Variants in BICRA observed in about 807,000 individuals in gnomAD.
The protein encoded by BICRA is BRD4-interacting chromatin-remodeling complex-associated protein.
BICRA carries 31 observed loss-of-function variants against 96.9 expected under a neutral mutation model. That is an observed-to-expected ratio of 0.32 (90% CI 0.24 to 0.43). The LOEUF (loss-of-function observed/expected upper bound fraction) is 0.43. BICRA is among the 20% of genes least tolerant of loss of function. The probability of loss-of-function intolerance (pLI) is 1.00; values close to 1 mark genes in which losing one functional copy is unlikely to be tolerated. For synonymous variants in BICRA, 1,350 were observed against 1,071.8 expected (o/e 1.26, Z -5.07); for missense variants, 2,283 against 2,190.3 (o/e 1.04, Z -0.84).
chr19:47,615,172 C>T (rs142092697), intron 1 of BICRA, among the ~76,000 whole-genome samples: 30 of 152,276 alleles, frequency 2.0e-4, no homozygotes, highest in Admixed American at 7.9e-4. Context: ...TTGGTAAAGA[C>T]GAGGTCTCAC....
chr19:47,611,423 C>T (rs1971905724), intron 1 of BICRA, among the ~76,000 whole-genome samples: 1 of 152,046 alleles, frequency 6.6e-6, no homozygotes, highest in Admixed American at 6.6e-5. Flanking sequence ...AGGGGGAGCC[C>T]CAGGCCTGGC....
At chr19:47,652,638 A>G (rs1024940948) in intron 1 of BICRA, among the ~76,000 whole-genome samples, 2 of 152,238 alleles carry the variant, frequency 1.3e-5, no homozygotes, top group Non-Finnish European at 2.9e-5. Flanking sequence ...GGCTGCAAGT[A>G]ACAGTTGACT....
chr19:47,611,111 C>G (rs1234409772), intron 1 of BICRA, among the ~76,000 whole-genome samples: 1 of 149,146 alleles, frequency 6.7e-6, no homozygotes, highest in Non-Finnish European at 1.5e-5. Context: ...TCACACAGCC[C>G]TGGGTCACAC....
At chr19:47,692,572 C>A (rs776464848) in intron 7 of BICRA, among the ~76,000 whole-genome samples, 1 of 152,166 alleles carries the variant, frequency 6.6e-6, no homozygotes. Flanking sequence ...ATTTCCAGGT[C>A]AAAGTTGTGA....
chr19:47,685,770 TGTGTGTGTGTGTGTGTGCGCGCGCGC>T (rs1568573141), intron 7 of BICRA, among the ~76,000 whole-genome samples: 4 of 132,950 alleles, frequency 3.0e-5, no homozygotes, highest in Non-Finnish European at 6.3e-5. Flanking sequence ...TGTGTGTGTG[TGTGTGTGTGTGTGTGTGCGCGCGCGC>T]GCGCATGCGT....
intron 7 of BICRA, among the ~76,000 whole-genome samples, chr19:47,690,293 C>T (rs529395312): frequency 6.6e-5 from 10 of 152,298 alleles, no homozygotes; most frequent in East Asian, 3.9e-4. Flanking sequence ...TGAGCCACCG[C>T]GCCCGGCCTA....
chr19:47,680,079 G>A lies in BICRA; in HGVS notation c.909G>A (p.Gly303=). Residue 303 remains glycine, a synonymous_variant, in exon 6 of 15, where the codon GGG becomes GGA. Transcript: ENST00000594866. ...CCGCTGTGGCCACCACGCTCAATGGGAACTCTGTGTTCGGAGGCGCGGGGG... is the reference window on the plus strand; with the variant it reads ...CCGCTGTGGCCACCACGCTCAATGGAAACTCTGTGTTCGGAGGCGCGGGGG... ...LSAAVATTLN[G]NSVFGGAGAA... The A allele has an allele frequency of 5.1e-6, 8 of 1,564,266 alleles. No homozygotes were observed. Among genetic ancestry groups the A allele is most frequent in the Non-Finnish European group, 6.9e-6 (8 of 1,165,638 alleles).
chr19:47,664,531 G>A (rs1017388736), intron 1 of BICRA, among the ~76,000 whole-genome samples: 11 of 152,162 alleles, frequency 7.2e-5, no homozygotes, highest in African/African-American at 2.4e-4. Context: ...GACCACCTCC[G>A]AGTCTCCTTT....
chr19:47,640,862 G>C (rs548049213), intron 1 of BICRA, among the ~76,000 whole-genome samples: 1 of 151,400 alleles, frequency 6.6e-6, no homozygotes, highest in Non-Finnish European at 1.5e-5. Flanking sequence ...GTGGAGCTGG[G>C]GTTTGAACTG....
Position 47,701,770 on chromosome 19 carries a change from G to T in BICRA, c.4038G>T (p.Pro1346=). Residue 1346 remains proline (P), a synonymous_variant, in exon 15 of 15, where the codon CCG becomes CCT. Transcript: ENST00000594866. The surrounding 1 kb of genome is among the most constrained non-coding windows in gnomAD (Gnocchi z 5.4). ...PPATLKVAEP[P]PRPPPPPPPT... is the part of the protein sequence containing the mutation. ...CTACCCTCAAGGTGGCCGAGCCCCC[G>T]CCACGGCCGCCACCACCACCGCCGC... is the stretch of plus-strand genomic sequence containing the variant. 6 of 1,492,106 alleles carry T rather than the reference G, an allele frequency of 4.0e-6. No individual in the cohort carries two copies. In the South Asian group the frequency reaches 7.3e-5, roughly 18 times the overall value. 92.4% of individuals were successfully genotyped at this position (1,492,106 alleles called of 1,614,324 possible). A position where few individuals can be genotyped will look rare whatever the true frequency, so the allele number is the denominator to read the frequency against.
intron 5 of BICRA, among the ~76,000 whole-genome samples, chr19:47,678,512 C>T (rs1027200310): frequency 2.0e-5 from 3 of 152,160 alleles, no homozygotes; most frequent in Non-Finnish European, 2.9e-5. Context: ...TGCAGGATCA[C>T]GTTGGGCGCC....
At chr19:47,652,914 C>G (rs1461920294) in intron 1 of BICRA, among the ~76,000 whole-genome samples, 1 of 151,898 alleles carries the variant, frequency 6.6e-6, no homozygotes, top group East Asian at 1.9e-4. Flanking sequence ...TTTTCTTAAG[C>G]AGATGGTAAC....
chr19:47,660,165 C>G (rs1212856038), intron 1 of BICRA, among the ~76,000 whole-genome samples: 1 of 151,928 alleles, frequency 6.6e-6, no homozygotes, highest in Admixed American at 6.6e-5. Flanking sequence ...CAGAGCTGTG[C>G]TCCCTCAGGA....
intron 1 of BICRA, among the ~76,000 whole-genome samples, chr19:47,610,312 G>C (rs888642588): frequency 6.6e-6 from 1 of 152,242 alleles, no homozygotes; most frequent in Admixed American, 6.5e-5. Flanking sequence ...ACCAGGGGCT[G>C]CTTGGGCCTT....
chr19:47,619,419 C>T (rs139204381), intron 1 of BICRA, among the ~76,000 whole-genome samples: 4,915 of 151,896 alleles, frequency 0.032, 232 homozygotes, highest in African/African-American at 0.11. Flanking sequence ...CCACCACGCC[C>T]GGTTAGTTTT....
intron 1 of BICRA, among the ~76,000 whole-genome samples, chr19:47,637,827 C>T (rs1030165260): frequency 3.3e-5 from 5 of 152,170 alleles, no homozygotes; most frequent in Non-Finnish European, 7.3e-5. Context: ...GTCTTTCTCT[C>T]TGCGTCATGT....
chr19:47,615,020 T>A (rs1417235797), intron 1 of BICRA, among the ~76,000 whole-genome samples: 1 of 152,180 alleles, frequency 6.6e-6, no homozygotes, highest in African/African-American at 2.4e-5. Context: ...TCTTGCTGTG[T>A]CACCCAGGCT....
intron 1 of BICRA, among the ~76,000 whole-genome samples, chr19:47,612,224 A>G (rs541909108): frequency 1.6e-4 from 25 of 152,006 alleles, no homozygotes; most frequent in African/African-American, 5.8e-4. Flanking sequence ...AGACCAGCCT[A>G]GGCAACACGG....
chr19:47,659,412 C>T (rs1972669517), intron 1 of BICRA, among the ~76,000 whole-genome samples: 1 of 152,170 alleles, frequency 6.6e-6, no homozygotes, highest in African/African-American at 2.4e-5. Flanking sequence ...AAAATAGACA[C>T]ATCATGCAAG....
Sources: allele counts gnomAD v4.1 joint callset (sites outside exome capture counted in the v4.1 genomes callset), GRCh38; gene constraint gnomAD v4.1.1; non-coding constraint Gnocchi (gnomAD v3.1); transcripts MANE v1.5; gene names NCBI Gene and HGNC (gene_info 2026-07-23, HGNC 2026-07-21).